PCM1: variants seen among roughly 807,000 people sequenced by gnomAD.
PCM1 encodes the protein pericentriolar material 1.
In PCM1, 157 loss-of-function variants were observed where a neutral mutation model predicts 241.9. That is an observed-to-expected ratio of 0.65 (90% CI 0.57 to 0.74). The LOEUF is 0.74. Ranked by LOEUF, PCM1 falls within the 30% of genes least tolerant of loss-of-function variation. The pLI, the probability that PCM1 is intolerant of heterozygous loss-of-function variation, is 0.00. For synonymous variants in PCM1, 1,085 were observed against 784.9 expected, an observed-to-expected ratio of 1.38 and a Z score of -6.39; for missense variants, 3,478 against 2,360.1, an observed-to-expected ratio of 1.47 and a Z score of -9.81.
intron 3 of PCM1, among the ~76,000 whole-genome samples, chr8:17,936,709 G>A (rs1056334601): frequency 2.0e-5 from 3 of 152,122 alleles, no homozygotes; most frequent in Non-Finnish European, 4.4e-5. Flanking sequence ...TCAGAAAACA[G>A]TAATTAGGTT....
chr8:17,995,642 A>T (rs991626450), intron 29 of PCM1, among the ~76,000 whole-genome samples: 6 of 151,400 alleles, frequency 4.0e-5, no homozygotes, highest in Non-Finnish European at 5.9e-5. Context: ...TTGAATCTGT[A>T]GATTGCTTCG....
At chr8:17,971,202 A>G (rs1004651438) in intron 22 of PCM1, among the ~76,000 whole-genome samples, 8 of 152,178 alleles carry the variant, frequency 5.3e-5, no homozygotes, top group African/African-American at 1.7e-4. Context: ...CTTAGCTCTC[A>G]GGTCATATGG....
At position 17,966,444 on chromosome 8, in the gene PCM1, G is replaced by A; in HGVS notation, c.3192G>A (p.Gln1064=). 1 of 1,613,720 alleles carries A rather than the reference G, an allele frequency of 6.2e-7. No homozygotes were observed. The highest frequency in any genetic ancestry group is 8.5e-7 in the Non-Finnish European group (1 of 1,179,744). ...IMHQLNQCYT[Q]LTWQQNNVQR... is the part of the protein sequence containing the mutation. ...ACCAGTTGAACCAGTGCTATACTCA[G>A]CTAACATGGCAACAGAATAATGTTC... is the stretch of plus-strand genomic sequence containing the variant. The change falls in exon 20 of 39, where the codon CAG becomes CAA. Residue 1064 remains glutamine, a synonymous_variant. Transcript: ENST00000325083.
At chr8:17,963,928 T>C (rs1032431966) in intron 17 of PCM1, among the ~76,000 whole-genome samples, 2 of 152,220 alleles carry the variant, frequency 1.3e-5, no homozygotes, top group African/African-American at 4.8e-5. Context: ...GAACTTCTAT[T>C]CTTGGGGTCC....
chr8:17,976,698 C>G (rs900189208), intron 23 of PCM1, among the ~76,000 whole-genome samples: 24 of 152,132 alleles, frequency 1.6e-4, no homozygotes, highest in African/African-American at 5.8e-4. Context: ...AGTACTGTTT[C>G]TTCTACTAAT....
chr8:17,958,116 CAG>C (rs1005477416), intron 13 of PCM1, among the ~76,000 whole-genome samples: 18 of 152,200 alleles, frequency 1.2e-4, no homozygotes, highest in South Asian at 4.1e-4. Flanking sequence ...TTTACAAAAA[CAG>C]AAGAGGTTTT....
chr8:17,948,935 T>C lies in PCM1; in HGVS notation c.961+1572T>C, dbSNP rs371528750. On this transcript the variant is annotated intron_variant, in intron 7 of 38. Transcript: ENST00000325083. ...AGGTTAGTCAGAGCTTTAATTCTTATTTCTGTTTTATAGAGAAGGAACTCT... is the reference window on the plus strand; with the variant it reads ...AGGTTAGTCAGAGCTTTAATTCTTACTTCTGTTTTATAGAGAAGGAACTCT... 2.4e-4 allele frequency among the ~76,000 whole-genome samples: 36 copies of C among 152,336 alleles called. No individual in the cohort carries two copies. In the East Asian group the frequency reaches 6.4e-3, roughly 27 times the overall value.
intron 23 of PCM1, among the ~76,000 whole-genome samples, chr8:17,975,886 G>C (rs2078600753): frequency 6.6e-6 from 1 of 152,148 alleles, no homozygotes; most frequent in South Asian, 2.1e-4. Context: ...TTCAGACTTA[G>C]ACCTTATGAG....
rs186223246 is a variant in PCM1, at chr8:18,010,314, C to G, written c.5161-295C>G. ...CTGACCCTCTTTTATGAGAAGGAAA[C>G]AAGCCAAGACCCAAACAGAGATGGC... On this transcript the variant is annotated intron_variant, in intron 31 of 38. Transcript: ENST00000325083. Among the ~76,000 whole-genome samples the G allele has an allele frequency of 5.3e-3, 808 of 152,288 alleles. 4 individuals carry two copies. Among genetic ancestry groups the G allele is most frequent in the African/African-American group, 0.018 (764 of 41,570 alleles).
chr8:18,018,186 G>A (rs1293894270), intron 36 of PCM1, among the ~76,000 whole-genome samples: 1 of 152,090 alleles, frequency 6.6e-6, no homozygotes, highest in Non-Finnish European at 1.5e-5. Context: ...AAATTGAGAG[G>A]GCACTTAAAG....
intron 24 of PCM1, among the ~76,000 whole-genome samples, chr8:17,981,160 C>T (rs1376176653): frequency 1.3e-5 from 2 of 152,194 alleles, no homozygotes; most frequent in Admixed American, 6.5e-5. Flanking sequence ...CTTCCTGCCT[C>T]TCCAGACTCA....
At chr8:17,955,004 G>T (rs62498177) in intron 9 of PCM1, among the ~76,000 whole-genome samples, 26,658 of 151,846 alleles carry the variant, frequency 0.18, 2,684 homozygotes, top group East Asian at 0.38. Context: ...ATGAAAAACT[G>T]ATGAAGACCT....
intron 4 of PCM1, 106 bp downstream of exon 4, chr8:17,937,485 T>A (rs1279797129): frequency 1.9e-5 from 20 of 1,053,556 alleles, no homozygotes; most frequent in African/African-American, 6.6e-5. Flanking sequence ...ATGTAATTTT[T>A]AAAAAAAGTT....
intron 23 of PCM1, among the ~76,000 whole-genome samples, chr8:17,974,431 T>C (rs972981206): frequency 8.5e-5 from 13 of 152,228 alleles, no homozygotes; most frequent in African/African-American, 2.9e-4. Flanking sequence ...GGGCAATACT[T>C]CATAAACTTG....
intron 2 of PCM1, among the ~76,000 whole-genome samples, chr8:17,932,253 A>T (rs550132702): frequency 6.6e-6 from 1 of 152,234 alleles, no homozygotes; most frequent in South Asian, 2.1e-4. Flanking sequence ...ACTTCATTAT[A>T]GTTCTTTCCA....
At chr8:18,024,516 T>C (rs1221332160) in intron 36 of PCM1, among the ~76,000 whole-genome samples, 1 of 152,198 alleles carries the variant, frequency 6.6e-6, no homozygotes, top group African/African-American at 2.4e-5. Context: ...CATTTAAAAC[T>C]TCGAAAATTA....
intron 15 of PCM1, 135 bp from the exon 16 acceptor site, chr8:17,961,899 A>G (rs2129467972): frequency 1.6e-6 from 1 of 617,298 alleles, no homozygotes; most frequent in Non-Finnish European, 2.6e-6. Context: ...TCTTCGGATG[A>G]TGATGGAAGT....
At chr8:17,971,474 G>A (rs997295376) in intron 22 of PCM1, among the ~76,000 whole-genome samples, 3 of 152,290 alleles carry the variant, frequency 2.0e-5, no homozygotes, top group South Asian at 4.1e-4. Flanking sequence ...CTAGACGACC[G>A]ATGAGTACCT....
chr8:17,928,024 T>C (rs981743501), intron 2 of PCM1: 1 of 151,808 alleles, frequency 6.6e-6, no homozygotes. Context: ...TAGTAAGGCA[T>C]AGCATGAGTA....
Sources: gnomAD v4.1 joint callset for allele counts (sites outside exome capture counted in the v4.1 genomes callset) on GRCh38, gnomAD v4.1.1 for gene constraint, MANE v1.5 for transcripts, NCBI Gene and HGNC (gene_info 2026-07-23, HGNC 2026-07-21) for gene names.